Variants in BCHE observed in about 807,000 individuals in gnomAD.
BCHE encodes cholinesterase.
BCHE carries 48 observed loss-of-function variants against 51.3 expected under a neutral mutation model. The observed-to-expected ratio is 0.94, with a 90% confidence interval of 0.74 to 1.19. The LOEUF is 1.19. Ranked by LOEUF, BCHE falls within the 50% of genes most tolerant of loss-of-function variation. The pLI is 0.00. For missense variants in BCHE, 847 were observed against 708.2 expected (o/e 1.20, Z -2.23); for synonymous variants, 251 against 238.0 (o/e 1.05, Z -0.50).
intron 2 of BCHE, among the ~76,000 whole-genome samples, chr3:165,803,595 T>G (rs963385068): frequency 3.9e-5 from 6 of 152,150 alleles, no homozygotes; most frequent in Non-Finnish European, 8.8e-5. Flanking sequence ...TTATAAACAA[T>G]GTACACTCTT....
chr3:165,773,381 A>C lies in BCHE; in HGVS notation c.*1T>G. 1 of 1,610,186 alleles carries C rather than the reference A, an allele frequency of 6.2e-7. No individual in the cohort carries two copies. Among genetic ancestry groups the C allele is most frequent in the Non-Finnish European group, 8.5e-7 (1 of 1,177,164 alleles). On this transcript the variant is annotated 3_prime_UTR_variant, in exon 4 of 4. Transcript: ENST00000264381. ...TGTTCTATAAAGGGTAAATCTATTAATTAGAGACCCACACAACTTTCTTTC... is the reference window on the plus strand; with the variant it reads ...TGTTCTATAAAGGGTAAATCTATTACTTAGAGACCCACACAACTTTCTTTC...
chr3:165,790,990 G>T (rs899539210), intron 2 of BCHE, among the ~76,000 whole-genome samples: 2 of 151,878 alleles, frequency 1.3e-5, no homozygotes, highest in Non-Finnish European at 2.9e-5. Flanking sequence ...AGAATTGGAG[G>T]GTTTGCACAA....
At chr3:165,781,329 A>G (rs1712689977) in intron 3 of BCHE, among the ~76,000 whole-genome samples, 1 of 149,614 alleles carries the variant, frequency 6.7e-6, no homozygotes, top group Non-Finnish European at 1.5e-5. Flanking sequence ...CATGAAACCA[A>G]CCCAAAAGCC....
intron 3 of BCHE, among the ~76,000 whole-genome samples, chr3:165,783,979 A>G (rs1359701791): frequency 1.3e-5 from 2 of 152,010 alleles, no homozygotes; most frequent in Non-Finnish European, 2.9e-5. Flanking sequence ...TTTATTTGAG[A>G]ACATTTATTG....
At chr3:165,837,004 T>C (rs989826078) in intron 1 of BCHE, among the ~76,000 whole-genome samples, 1 of 152,208 alleles carries the variant, frequency 6.6e-6, no homozygotes, top group Admixed American at 6.5e-5. Flanking sequence ...TGTTTTTTCT[T>C]AGGAAACTCA....
chr3:165,827,948 C>G (rs1714794803), intron 2 of BCHE: 6 of 425,848 alleles, frequency 1.4e-5, no homozygotes, highest in Non-Finnish European at 2.8e-5. Context: ...AGCTCTCATT[C>G]AATCATTAGC....
intron 3 of BCHE, 67 bp downstream of exon 3, chr3:165,786,078 T>C: frequency 2.0e-6 from 3 of 1,525,844 alleles, no homozygotes; most frequent in Non-Finnish European, 2.7e-6. Context: ...CCTTGGAGAG[T>C]ATACTTCATC....
intron 2 of BCHE, among the ~76,000 whole-genome samples, chr3:165,814,814 T>C (rs1030943589): frequency 6.6e-6 from 1 of 151,950 alleles, no homozygotes; most frequent in Non-Finnish European, 1.5e-5. Flanking sequence ...CCCAGTTAAA[T>C]GTGAATTCCA....
intron 3 of BCHE, among the ~76,000 whole-genome samples, chr3:165,781,487 A>T (rs1359096135): frequency 6.6e-6 from 1 of 152,120 alleles, no homozygotes; most frequent in African/African-American, 2.4e-5. Context: ...CAACTAACAC[A>T]GGAACAGAAA....
chr3:165,804,869 C>A (rs907756581), intron 2 of BCHE, among the ~76,000 whole-genome samples: 1 of 152,096 alleles, frequency 6.6e-6, no homozygotes, highest in Admixed American at 6.6e-5. Context: ...TGTTTGATAG[C>A]AATCACATAT....
At chr3:165,778,645 CCACTT>C (rs1442017890) in intron 3 of BCHE, 2 of 450,332 alleles carry the variant, frequency 4.4e-6, no homozygotes, top group South Asian at 1.6e-5. Flanking sequence ...GGCCCTGACT[CCACTT>C]CACTGTGAGT....
At chr3:165,826,560 T>C (rs1014937943) in intron 2 of BCHE, among the ~76,000 whole-genome samples, 1 of 152,160 alleles carries the variant, frequency 6.6e-6, no homozygotes, top group Non-Finnish European at 1.5e-5. Context: ...TTTATCTTTA[T>C]GGAGTTGTAC....
At chr3:165,833,018 C>A (rs1453863937) in intron 1 of BCHE, among the ~76,000 whole-genome samples, 2 of 151,774 alleles carry the variant, frequency 1.3e-5, no homozygotes, top group Non-Finnish European at 2.9e-5. Context: ...ATATCTATTT[C>A]TATATCTAAT....
intron 2 of BCHE, among the ~76,000 whole-genome samples, chr3:165,803,029 G>T (rs2108215526): frequency 6.6e-6 from 1 of 152,182 alleles, no homozygotes; most frequent in South Asian, 2.1e-4. Flanking sequence ...GTGAGCCACC[G>T]CTCCGGCCAA....
rs1714017178 is a variant in BCHE, at chr3:165,809,648, A to G, written c.1517+19869T>C. 3.9e-5 allele frequency among the ~76,000 whole-genome samples: 6 copies of G among 152,098 alleles called. No homozygotes were observed. In the South Asian group the frequency reaches 1.2e-3, roughly 32 times the overall value. ...ATTAAGGCAAATTGTATTAAGGCAA[A>G]TGTTTGTGAGGTATATTTTACTCTA... On this transcript the variant is annotated intron_variant, in intron 2 of 3. Coordinates refer to ENST00000264381, the MANE Select transcript of BCHE (RefSeq NM_000055.4).
In BCHE at chr3:165,833,239, T is replaced by A. The variant is rs1285191134; in HGVS notation, c.-8-2198A>T. ...GATATTTAGGTACTATTATATATAA[T>A]TTAGGTACTATTATATAATGTATCC... On this transcript the variant is annotated intron_variant, in intron 1 of 3. Transcript: ENST00000264381. 2.0e-5 allele frequency among the ~76,000 whole-genome samples: 3 copies of A among 152,246 alleles called. No individual in the cohort carries two copies. The East Asian group carries it at 5.8e-4, about 29-fold the overall frequency.
chr3:165,827,445 TAATA>T (rs1013023706), intron 2 of BCHE, among the ~76,000 whole-genome samples: 5 of 151,430 alleles, frequency 3.3e-5, no homozygotes, highest in African/African-American at 1.2e-4. Flanking sequence ...ATTAATTAAT[TAATA>T]ATTAAATAAT....
intron 1 of BCHE, 55 bp from the exon 2 acceptor site, chr3:165,831,096 A>G: frequency 1.4e-6 from 2 of 1,415,100 alleles, no homozygotes; most frequent in South Asian, 1.2e-5. Flanking sequence ...AGCATATTAT[A>G]CTTTATTGAT....
intron 2 of BCHE, among the ~76,000 whole-genome samples, chr3:165,814,990 ATAAT>A (rs1714251706): frequency 6.7e-6 from 1 of 148,696 alleles, no homozygotes; most frequent in African/African-American, 2.4e-5. Context: ...GTAAATATTT[ATAAT>A]TAAATATTAG....
Sources: gnomAD v4.1 joint callset for allele counts (sites outside exome capture counted in the v4.1 genomes callset) on GRCh38, gnomAD v4.1.1 for gene constraint, MANE v1.5 for transcripts, NCBI Gene and HGNC (gene_info 2026-07-23, HGNC 2026-07-21) for gene names.